LRP1B: variants seen among roughly 807,000 people sequenced by gnomAD.
LRP1B encodes the protein low-density lipoprotein receptor-related protein 1B.
LRP1B carries 217 observed loss-of-function variants against 556.6 expected under a neutral mutation model. The ratio of observed to expected loss-of-function variants is 0.39; its 90% CI spans 0.35 to 0.44. LRP1B has a LOEUF of 0.44. Ranked by LOEUF, LRP1B falls within the 20% of genes least tolerant of loss-of-function variation. LRP1B has a pLI of 1.00. For missense variants in LRP1B, 5,053 were observed against 5,620.8 expected, an observed-to-expected ratio of 0.90 and a Z score of 3.23; for synonymous variants, 2,047 against 1,865.8, an observed-to-expected ratio of 1.10 and a Z score of -2.50.
chr2:140,833,220 T>C (rs556177111), intron 31 of LRP1B, among the ~76,000 whole-genome samples: 1 of 152,268 alleles, frequency 6.6e-6, no homozygotes, highest in Non-Finnish European at 1.5e-5. Flanking sequence ...TATTGTCAAA[T>C]AAAAGTTTGT....
chr2:141,554,990 T>A (rs1476146746), intron 2 of LRP1B, among the ~76,000 whole-genome samples: 1 of 151,948 alleles, frequency 6.6e-6, no homozygotes, highest in African/African-American at 2.4e-5. Flanking sequence ...CGTAACCTAA[T>A]AGCACCATCT....
At chr2:140,523,036 C>G (rs2104958482) in intron 49 of LRP1B, among the ~76,000 whole-genome samples, 1 of 152,056 alleles carries the variant, frequency 6.6e-6, no homozygotes, top group East Asian at 1.9e-4. Flanking sequence ...CTAACTCATT[C>G]TATGAAATCA....
chr2:140,261,055 G>GTATA (rs1350025403), intron 86 of LRP1B, among the ~76,000 whole-genome samples: 1 of 128,488 alleles, frequency 7.8e-6, no homozygotes, highest in African/African-American at 3.5e-5. Flanking sequence ...ATATATGTGT[G>GTATA]TGTATATATA....
At chr2:140,899,716 C>A (rs1694047844) in intron 23 of LRP1B, among the ~76,000 whole-genome samples, 1 of 152,082 alleles carries the variant, frequency 6.6e-6, no homozygotes, top group Non-Finnish European at 1.5e-5. Context: ...AGAGAAGCAC[C>A]AATACAACAC....
intron 2 of LRP1B, among the ~76,000 whole-genome samples, chr2:141,494,823 GAAACACACACACAC>G (rs1298237673): frequency 8.6e-6 from 1 of 116,898 alleles, no homozygotes; most frequent in Non-Finnish European, 1.9e-5. Context: ...GATTCAGATT[GAAACACACACACAC>G]AAACACACAC....
rs150938505 is a variant in LRP1B, at chr2:140,842,471, A to G, written c.4940-1379T>C. 2.0e-3 allele frequency among the ~76,000 whole-genome samples: 311 copies of G among 152,324 alleles called. 3 individuals are homozygous for G. The highest frequency in any genetic ancestry group is 7.1e-3 in the African/African-American group (295 of 41,584). On this transcript the variant is annotated intron_variant, in intron 29 of 90. Coordinates refer to ENST00000389484, the MANE Select transcript of LRP1B (RefSeq NM_018557.3). ...TCGTGGTTCCAGTTCTCTTCAAATC[A>G]AGAACCCTCTCACTCTGCAAATTAC...
intron 1 of LRP1B, among the ~76,000 whole-genome samples, chr2:142,113,860 G>A (rs756934148): frequency 3.3e-5 from 5 of 152,074 alleles, no homozygotes; most frequent in African/African-American, 4.8e-5. Flanking sequence ...AACTAAGCAG[G>A]CCAGATACTC....
intron 1 of LRP1B, among the ~76,000 whole-genome samples, chr2:142,106,157 G>A (rs2104978708): frequency 6.6e-6 from 1 of 152,262 alleles, no homozygotes; most frequent in Non-Finnish European, 1.5e-5. Flanking sequence ...TCTGTAAGAA[G>A]TGTTTTTGAA....
At chr2:140,633,124 A>T (rs767926010) in intron 41 of LRP1B, among the ~76,000 whole-genome samples, 1 of 152,068 alleles carries the variant, frequency 6.6e-6, no homozygotes, top group South Asian at 2.1e-4. Flanking sequence ...AAACATAGAT[A>T]GGTTAAATGA....
At chr2:141,263,716 C>A (rs1331241671) in intron 3 of LRP1B, among the ~76,000 whole-genome samples, 1 of 152,066 alleles carries the variant, frequency 6.6e-6, no homozygotes, top group Non-Finnish European at 1.5e-5. Context: ...AAATATAGAA[C>A]AACATTCCTT....
At chr2:141,981,848 G>A (rs1702050758) in intron 1 of LRP1B, among the ~76,000 whole-genome samples, 1 of 152,096 alleles carries the variant, frequency 6.6e-6, no homozygotes, top group African/African-American at 2.4e-5. Context: ...TAAAAAGGAG[G>A]TGTGTCTTTC....
Position 140,350,779 on chromosome 2 carries a change from A to G in LRP1B, c.11892+18T>C, listed in dbSNP as rs749978504. The G allele has an allele frequency of 3.7e-6, 6 of 1,605,424 alleles. No homozygotes were observed. The highest frequency in any genetic ancestry group is 4.5e-5 in the East Asian group (2 of 44,210). On this transcript the variant is annotated intron_variant, in intron 77 of 90. Transcript: ENST00000389484. ...GGAAAAGGTATGGACTTTCAAATAT[A>G]CAATGGTATTTACTTACAATCAAGC... is the stretch of plus-strand genomic sequence containing the variant.
At chr2:140,478,418 T>C (rs11903140) in intron 59 of LRP1B, among the ~76,000 whole-genome samples, 1 of 152,044 alleles carries the variant, frequency 6.6e-6, no homozygotes, top group African/African-American at 2.4e-5. Flanking sequence ...CAAAGTGCTG[T>C]GGTTACAGGC....
intron 18 of LRP1B, among the ~76,000 whole-genome samples, chr2:140,967,414 G>T (rs942365048): frequency 6.6e-5 from 10 of 151,960 alleles, no homozygotes; most frequent in African/African-American, 2.4e-4. Context: ...TGCTGAAGTT[G>T]CTTATCAGCT....
chr2:141,306,121 T>G (rs1686577859), intron 3 of LRP1B, among the ~76,000 whole-genome samples: 1 of 125,484 alleles, frequency 8.0e-6, no homozygotes, highest in Non-Finnish European at 1.7e-5. Flanking sequence ...TATGGAAAAT[T>G]ACCTACTCTT....
intron 41 of LRP1B, among the ~76,000 whole-genome samples, chr2:140,605,464 G>A (rs1034323361): frequency 6.6e-6 from 1 of 152,044 alleles, no homozygotes; most frequent in Admixed American, 6.6e-5. Flanking sequence ...TACTGAAATT[G>A]TGTCTAAATT....
At chr2:141,788,656 A>G (rs923572773) in intron 2 of LRP1B, among the ~76,000 whole-genome samples, 55 of 151,806 alleles carry the variant, frequency 3.6e-4, no homozygotes, top group Admixed American at 2.0e-4. Flanking sequence ...AACATTTGGT[A>G]TATCTCCTAA....
Position 141,523,489 on chromosome 2 carries a change from T to C in LRP1B, c.206-42956A>G, listed in dbSNP as rs540882048. Among the ~76,000 whole-genome samples the C allele has an allele frequency of 1.6e-3, 236 of 152,194 alleles. 2 individuals are homozygous for C. The highest frequency in any genetic ancestry group is 2.5e-3 in the Non-Finnish European group (173 of 67,992). On this transcript the variant is annotated intron_variant, in intron 2 of 90. Coordinates refer to ENST00000389484, the MANE Select transcript of LRP1B (RefSeq NM_018557.3). ...AGTGAATTAACATAAACAAGCACCT[T>C]ACATGTGGTCCAACACTTCATAAGA...
intron 1 of LRP1B, among the ~76,000 whole-genome samples, chr2:142,121,088 C>T (rs1338266728): frequency 1.3e-5 from 2 of 152,136 alleles, no homozygotes; most frequent in Admixed American, 1.3e-4. Flanking sequence ...CTCCCTAATA[C>T]ATAGAATGGT....
Sources: gnomAD v4.1 joint callset for allele counts (sites outside exome capture counted in the v4.1 genomes callset) on GRCh38, gnomAD v4.1.1 for gene constraint, MANE v1.5 for transcripts, NCBI Gene and HGNC (gene_info 2026-07-23, HGNC 2026-07-21) for gene names.